SLC16A4: variants seen among roughly 807,000 people sequenced by gnomAD.
SLC16A4 encodes the protein solute carrier family 16 member 4, also known as probable monocarboxylate transporter 5.
SLC16A4 carries 39 observed loss-of-function variants against 47.9 expected under a neutral mutation model. The ratio of observed to expected loss-of-function variants is 0.81; its 90% confidence interval spans 0.63 to 1.06. The LOEUF (loss-of-function observed/expected upper bound fraction) is 1.06. Among genes scored for constraint, SLC16A4 ranks in the 50% least tolerant of loss-of-function variants. The pLI, the probability that SLC16A4 is intolerant of heterozygous loss-of-function variation, is 0.00. For synonymous variants in SLC16A4, 189 were observed against 199.9 expected (o/e 0.95, Z 0.46); for missense variants, 524 against 573.8 (o/e 0.91, Z 0.89).
intron 8 of SLC16A4, chr1:110,372,604 A>G (rs1009699129): frequency 6.6e-6 from 1 of 152,242 alleles, no homozygotes; most frequent in Non-Finnish European, 1.5e-5. Flanking sequence ...GGAATGACTT[A>G]GAGGAACAAA....
intron 8 of SLC16A4, among the ~76,000 whole-genome samples, chr1:110,366,101 T>TGC: frequency 6.9e-6 from 1 of 143,940 alleles, no homozygotes; most frequent in South Asian, 2.3e-4. Flanking sequence ...CCTTTCATTT[T>TGC]ACACACACAC....
chr1:110,371,724 C>T (rs969628607), intron 8 of SLC16A4: 1 of 152,172 alleles, frequency 6.6e-6, no homozygotes, highest in African/African-American at 2.4e-5. Flanking sequence ...TAGGTCTACT[C>T]ACCACCCTGG....
rs150943390 is a variant in SLC16A4 at position 110,368,726 on chromosome 1, A to AT, written c.1337-4834dup. Among the ~76,000 whole-genome samples the AT allele has an allele frequency of 6.1e-3, 931 of 152,070 alleles. 9 individuals are homozygous for AT. The highest frequency in any genetic ancestry group is 0.019 in the African/African-American group (809 of 41,500). On this transcript the variant is annotated intron_variant, in intron 8 of 8. Transcript: ENST00000369779. ...GCTTCTTTAAATACTGGTGCAAACC[A>AT]TTTTTTTTACAGTCAGTTAAAAAGG...
intron 2 of SLC16A4, among the ~76,000 whole-genome samples, chr1:110,385,196 A>T (rs577661688): frequency 4.6e-5 from 7 of 152,290 alleles, no homozygotes; most frequent in Non-Finnish European, 8.8e-5. Context: ...AGGGTTCTGC[A>T]ATCAGTCTGC....
chr1:110,374,342 C>CT (rs1354234517), intron 8 of SLC16A4, among the ~76,000 whole-genome samples: 1 of 152,262 alleles, frequency 6.6e-6, no homozygotes, highest in East Asian at 1.9e-4. Context: ...CGCCTGGCCC[C>CT]TTTCTCAGTC....
At chr1:110,369,110 A>G (rs1326146008) in intron 8 of SLC16A4, among the ~76,000 whole-genome samples, 2 of 151,878 alleles carry the variant, frequency 1.3e-5, no homozygotes, top group African/African-American at 2.4e-5. Context: ...GCACACCACT[A>G]CGCCCAGCTA....
chr1:110,390,717 T>C (rs952655364), intron 1 of SLC16A4, 148 bp downstream of exon 1: 1 of 152,288 alleles, frequency 6.6e-6, no homozygotes, highest in East Asian at 1.9e-4. Context: ...ATTTCCCCTG[T>C]CGGGTCGAAG....
In SLC16A4 at chr1:110,363,643, AAT is replaced by A; in HGVS notation, c.*121_*122del. 2 of 1,032,560 alleles carry A rather than the reference AAT, an allele frequency of 1.9e-6. No homozygotes were observed. Among genetic ancestry groups the A allele is most frequent in the Non-Finnish European group, 1.3e-6 (1 of 749,670 alleles). The allele number at this position is 1,032,560 out of a possible 1,614,324, so 64.0% of individuals were successfully genotyped here. ...TCCGTCTCAAAAAAAAAAAAAAAAA[AAT>A]TGTTTTCCTTCTCATGTTACAAATG... On this transcript the variant is annotated 3_prime_UTR_variant, in exon 9 of 9. Transcript: ENST00000369779.
Position 110,363,673 on chromosome 1 carries a change from G to T in SLC16A4, c.*93C>A. ...TTTTCCTTCTCATGTTACAAATGTA[G>T]ATGCGATGTGTTTCTTTCAAGCTTT... On this transcript the variant is annotated 3_prime_UTR_variant, in exon 9 of 9. Coordinates refer to ENST00000369779, the MANE Select transcript of SLC16A4 (RefSeq NM_004696.3). 8 of 1,078,092 alleles carry T rather than the reference G, an allele frequency of 7.4e-6. No individual in the cohort carries two copies. Among genetic ancestry groups the T allele is most frequent in the Non-Finnish European group, 1.0e-5 (8 of 773,094 alleles). The allele number at this position is 1,078,092 out of a possible 1,614,324, so 66.8% of individuals were successfully genotyped here.
intron 2 of SLC16A4, among the ~76,000 whole-genome samples, chr1:110,383,668 T>C (rs1327361196): frequency 2.0e-5 from 3 of 152,092 alleles, no homozygotes; most frequent in African/African-American, 7.2e-5. Context: ...GGGTCAGTCT[T>C]GTGGCCTCCA....
intron 8 of SLC16A4, chr1:110,370,720 T>C (rs572283875): frequency 6.0e-4 from 91 of 152,300 alleles, no homozygotes; most frequent in African/African-American, 2.1e-3. Context: ...TGGAGTACAA[T>C]TGACTTACAA....
At chr1:110,373,311 A>G (rs569307076) in intron 8 of SLC16A4, among the ~76,000 whole-genome samples, 2 of 152,306 alleles carry the variant, frequency 1.3e-5, no homozygotes, top group East Asian at 1.9e-4. Context: ...AAAAATTCCA[A>G]GGCACTACTG....
At position 110,387,918 on chromosome 1, in the gene SLC16A4, G is replaced by A. The variant is rs144026937; in HGVS notation, c.87+1319C>T. Among the ~76,000 whole-genome samples the A allele has an allele frequency of 6.5e-4, 71 of 109,794 alleles. 1 individual carries two copies. The East Asian group carries it at 0.016, about 25-fold the overall frequency. The allele number at this position is 109,794 out of a possible 152,430, so 72.0% of individuals were successfully genotyped here. On this transcript the variant is annotated intron_variant, in intron 2 of 8. Transcript: ENST00000369779. ...TTTGTATTACATAAATCCTGGCTGG[G>A]GACCTCTGCCCCTATCTTGTCTAGC...
rs528392864 is a variant in SLC16A4 at position 110,388,321 on chromosome 1, G to A, written c.87+916C>T. On this transcript the variant is annotated intron_variant, in intron 2 of 8. Transcript: ENST00000369779. ...GTTAATTTAAAAAATGGAATGCCTC[G>A]TCTAGTTGCTTATGGGTAAAGGAGA... Among the ~76,000 whole-genome samples the A allele has an allele frequency of 4.6e-5, 7 of 152,280 alleles. No homozygotes were observed. The South Asian group carries it at 1.0e-3, about 23-fold the overall frequency.
At chr1:110,373,396 T>C (rs6673423) in intron 8 of SLC16A4, among the ~76,000 whole-genome samples, 118,002 of 152,012 alleles carry the variant, frequency 0.78, 46,249 homozygotes, top group African/African-American at 0.89. Flanking sequence ...TTTTCTGTAT[T>C]TCACTGTCCT....
intron 2 of SLC16A4, among the ~76,000 whole-genome samples, chr1:110,388,994 GC>G (rs34756485): frequency 2.0e-5 from 3 of 152,212 alleles, no homozygotes; most frequent in Non-Finnish European, 4.4e-5. Flanking sequence ...ATAGGTGTGA[GC>G]CCCCACACCC....
chr1:110,378,952 T>C lies in SLC16A4; in HGVS notation c.931A>G (p.Ser311Gly), dbSNP rs771654823. 1.9e-6 allele frequency: 3 copies of C among 1,614,048 alleles called. No individual in the cohort carries two copies. The highest frequency in any genetic ancestry group is 4.5e-5 in the East Asian group (2 of 44,894). Residue 311 changes from serine (S) to glycine (G), a missense_variant, in exon 6 of 9, where the codon AGT (serine) becomes GGT (glycine). Transcript: ENST00000369779. ...FYIFTWSFLL[S>G]QLAYFIPTFH... ...GTAGGGATGAAGTATGCTAACTGAC[T>C]GAGGAGAAAAGACCAAGTAAATATG...
intron 2 of SLC16A4, among the ~76,000 whole-genome samples, chr1:110,383,774 T>C (rs1177132875): frequency 6.6e-6 from 1 of 151,530 alleles, no homozygotes; most frequent in African/African-American, 2.4e-5. Flanking sequence ...AAGTGTTTTT[T>C]TTTTTTTTTG....
At chr1:110,383,489 C>T (rs1570652772) in intron 2 of SLC16A4, among the ~76,000 whole-genome samples, 2 of 152,108 alleles carry the variant, frequency 1.3e-5, no homozygotes, top group South Asian at 4.2e-4. Context: ...TGCCCTTTTG[C>T]GCTGAGTCAC....
Sources: allele counts gnomAD v4.1 joint callset (sites outside exome capture counted in the v4.1 genomes callset), GRCh38; gene constraint gnomAD v4.1.1; transcripts MANE v1.5; gene names NCBI Gene and HGNC (gene_info 2026-07-23, HGNC 2026-07-21).